CNDP2: variants seen among roughly 807,000 people sequenced by gnomAD.
CNDP2 encodes the protein carnosine dipeptidase 2, also known as cytosolic non-specific dipeptidase.
In CNDP2, 38 loss-of-function variants were observed where a neutral mutation model predicts 55.0. That is an observed-to-expected ratio of 0.69 (90% CI 0.53 to 0.90). The LOEUF (loss-of-function observed/expected upper bound fraction) is 0.90. Ranked by LOEUF, CNDP2 falls within the 40% of genes least tolerant of loss-of-function variation. The pLI, the probability that CNDP2 is intolerant of heterozygous loss-of-function variation, is 0.00. For synonymous variants in CNDP2, 241 were observed against 260.2 expected (o/e 0.93, Z 0.71); for missense variants, 607 against 621.7 (o/e 0.98, Z 0.25).
Position 74,501,074 on chromosome 18 carries a change from T to G in CNDP2, c.61-255T>G. 1.2e-6 allele frequency: 1 copy of G among 817,646 alleles called. No homozygotes were observed. 50.6% of individuals were successfully genotyped at this position (817,646 alleles called of 1,614,324 possible). A position where few individuals can be genotyped will look rare whatever the true frequency, so the allele number is the denominator to read the frequency against. ...CTGCCTGTCTTTGATTTCACTTCCT[T>G]GTTTTTTTTTTGTTTGTTTTTAAAC... On this transcript the variant is annotated intron_variant, in intron 2 of 11. Transcript: ENST00000324262.
chr18:74,499,874 C>A lies in CNDP2; in HGVS notation c.-92-8C>A. On this transcript the variant is annotated splice_region_variant and splice_polypyrimidine_tract_variant and intron_variant, in intron 1 of 11. Coordinates refer to ENST00000324262, the MANE Select transcript of CNDP2 (RefSeq NM_018235.3). ...ATTTACAATTCTGAACACGTGCTTT[C>A]TGGGCAGGTCGCCCCTCAGTCTCCA... 1 of 1,014,228 alleles carries A rather than the reference C, an allele frequency of 9.9e-7. No individual in the cohort carries two copies. Among genetic ancestry groups the A allele is most frequent in the Non-Finnish European group, 1.5e-6 (1 of 663,356 alleles). 62.8% of individuals were successfully genotyped at this position (1,014,228 alleles called of 1,614,324 possible). A position where few individuals can be genotyped will look rare whatever the true frequency, so the allele number is the denominator to read the frequency against.
Position 74,522,901 on chromosome 18 carries a change from G to A in CNDP2, c.*2833G>A, listed in dbSNP as rs879460612. 3 of 152,462 alleles carry A rather than the reference G, an allele frequency of 2.0e-5. No individual in the cohort carries two copies. The highest frequency in any genetic ancestry group is 2.1e-4 in the South Asian group (1 of 4,828). 9.4% of individuals were successfully genotyped at this position (152,462 alleles called of 1,614,324 possible). ...CAGTCAGCTTCCCCTGGAAGCAAGT[G>A]TGAGGTCGTCGCCTCTGGAAGTGCT... On this transcript the variant is annotated 3_prime_UTR_variant, in exon 12 of 12. Coordinates refer to ENST00000324262, the MANE Select transcript of CNDP2 (RefSeq NM_018235.3).
chr18:74,518,696 G>T, intron 10 of CNDP2, 56 bp downstream of exon 10: 3 of 1,609,884 alleles, frequency 1.9e-6, no homozygotes, highest in South Asian at 1.1e-5. Context: ...CGTCTGACAG[G>T]ACTCTGCTAT....
At chr18:74,508,950 C>T (rs1979191099) in intron 5 of CNDP2, 22 bp downstream of exon 5, 2 of 1,599,768 alleles carry the variant, frequency 1.3e-6, no homozygotes, top group African/African-American at 2.7e-5. Flanking sequence ...ACGCTGACTT[C>T]TGCCTGAGTC....
intron 4 of CNDP2, 75 bp from the exon 5 acceptor site, chr18:74,508,765 G>A: frequency 8.2e-7 from 1 of 1,217,310 alleles, no homozygotes; most frequent in Non-Finnish European, 1.2e-6. Flanking sequence ...GGGGTTATCA[G>A]ATGTGCACCT....
rs1424785532 is a variant in CNDP2 at position 74,513,169 on chromosome 18, T to A, written c.743-390T>A. On this transcript the variant is annotated intron_variant, in intron 7 of 11. Coordinates refer to ENST00000324262, the MANE Select transcript of CNDP2 (RefSeq NM_018235.3). ...AAGGCACATGGGGCAGTGTGGTGGTTGTTAGAGTGGGGCTGCGTGAAGCCA... is the reference window on the plus strand; with the variant it reads ...AAGGCACATGGGGCAGTGTGGTGGTAGTTAGAGTGGGGCTGCGTGAAGCCA... Among the ~76,000 whole-genome samples the A allele has an allele frequency of 2.6e-5, 4 of 152,294 alleles. No individual in the cohort carries two copies. The East Asian group carries it at 7.7e-4, about 29-fold the overall frequency.
chr18:74,519,095 A>G lies in CNDP2; in HGVS notation c.1357A>G (p.Arg453Gly). Residue 453 changes from arginine to glycine, a missense_variant and splice_region_variant, in exon 11 of 12, where the codon AGG becomes GGG. Physicochemically the swap from Arg to Gly is moderately radical, Grantham distance 125. Transcript: ENST00000324262. ...CCACTCCCAGAATGAAAAGCTCAAC[A>G]GGTGAGAGTCCAGGGTGCGGCCCAG... ...GAHSQNEKLN[R>G]YNYIEGTKML... 6.2e-7 allele frequency: 1 copy of G among 1,606,256 alleles called. No individual in the cohort carries two copies. The highest frequency in any genetic ancestry group is 8.5e-7 in the Non-Finnish European group (1 of 1,173,938).
At chr18:74,513,502 C>T (rs527830558) in intron 7 of CNDP2, 57 bp from the exon 8 acceptor site, 8 of 1,534,058 alleles carry the variant, frequency 5.2e-6, no homozygotes, top group Non-Finnish European at 6.1e-6. Flanking sequence ...CAGGAAAGAG[C>T]AGCTCGCCTT....
At chr18:74,510,672 G>T (rs1979292072) in intron 5 of CNDP2, 141 bp from the exon 6 acceptor site, 1 of 714,110 alleles carries the variant, frequency 1.4e-6, no homozygotes, top group South Asian at 1.9e-5. Context: ...ACCTGGGGAG[G>T]GGGTGATGAC....
intron 4 of CNDP2, chr18:74,507,159 T>G (rs1979074915): frequency 6.6e-6 from 1 of 152,266 alleles, no homozygotes; most frequent in African/African-American, 2.4e-5. Context: ...CTCTGTGCAC[T>G]TGGGCGCCCC....
chr18:74,501,105 CT>C, intron 2 of CNDP2: 2 of 956,326 alleles, frequency 2.1e-6, no homozygotes, highest in Non-Finnish European at 2.7e-6. Context: ...TAAACAGGTA[CT>C]GAGTGTAAAA....
At chr18:74,506,907 C>T (rs1979059449) in intron 4 of CNDP2, among the ~76,000 whole-genome samples, 1 of 152,204 alleles carries the variant, frequency 6.6e-6, no homozygotes, top group South Asian at 2.1e-4. Flanking sequence ...GATGAGGAAT[C>T]CTCCCACCCT....
In CNDP2 at chr18:74,523,437, T is replaced by C. The variant is rs1004022260; in HGVS notation, c.*3369T>C. 6.6e-6 allele frequency: 1 copy of C among 152,202 alleles called. No individual in the cohort carries two copies. The highest frequency in any genetic ancestry group is 2.4e-5 in the African/African-American group (1 of 41,450). 9.4% of individuals were successfully genotyped at this position (152,202 alleles called of 1,614,324 possible). A position where few individuals can be genotyped will look rare whatever the true frequency, so the allele number is the denominator to read the frequency against. The stretch of plus-strand genomic sequence containing the variant: ...AAACAGGCGTGGTAAATAAATACTG[T>C]TGTTTCAGCTGGTGTAATATGGGAC... On this transcript the variant is annotated 3_prime_UTR_variant, in exon 12 of 12. Transcript: ENST00000324262.
At chr18:74,516,551 C>G in intron 9 of CNDP2, 159 bp downstream of exon 9, 1 of 746,672 alleles carries the variant, frequency 1.3e-6, no homozygotes, top group Non-Finnish European at 2.1e-6. Context: ...GGTTCAGAAG[C>G]TAATCAAAGA....
chr18:74,519,935 C>G (rs1979953517), intron 11 of CNDP2, 64 bp from the exon 12 acceptor site: 5 of 1,480,210 alleles, frequency 3.4e-6, no homozygotes, highest in Non-Finnish European at 4.7e-6. Context: ...CGGGAGGAGT[C>G]ACCCCACACC....
At chr18:74,517,687 C>T (rs1043196082) in intron 9 of CNDP2, 10 of 151,774 alleles carry the variant, frequency 6.6e-5, no homozygotes, top group East Asian at 3.9e-4. Context: ...TGTGAAAGGC[C>T]GGCAAGCAGA....
At chr18:74,508,030 C>T (rs571337512) in intron 4 of CNDP2, 23 of 152,392 alleles carry the variant, frequency 1.5e-4, no homozygotes, top group African/African-American at 5.3e-4. Context: ...CTCATACTAC[C>T]TTGGGCTGGG....
At chr18:74,517,752 T>G (rs187172560) in intron 9 of CNDP2, 8 of 152,158 alleles carry the variant, frequency 5.3e-5, no homozygotes, top group Admixed American at 4.6e-4. Flanking sequence ...CTTAGTTACT[T>G]CTGTTAAGTC....
chr18:74,510,134 T>C (rs1241602198), intron 5 of CNDP2, among the ~76,000 whole-genome samples: 2 of 152,316 alleles, frequency 1.3e-5, no homozygotes, highest in East Asian at 3.9e-4. Flanking sequence ...AGATTTCATG[T>C]GACGGGCAGA....
Sources: allele counts gnomAD v4.1 joint callset (sites outside exome capture counted in the v4.1 genomes callset), GRCh38; gene constraint gnomAD v4.1.1; transcripts MANE v1.5; gene names NCBI Gene and HGNC (gene_info 2026-07-23, HGNC 2026-07-21).